The following GPC6 variants were observed in gnomAD, a reference collection of about 807,000 sequenced individuals.
The protein encoded by GPC6 is glypican 6, also known as glypican-6.
A neutral mutation model predicts 55.2 loss-of-function variants in GPC6; 14 were observed. The ratio of observed to expected loss-of-function variants is 0.25; its 90% CI spans 0.17 to 0.40. The LOEUF (loss-of-function observed/expected upper bound fraction) is 0.40. Among genes scored for constraint, GPC6 ranks in the 10% least tolerant of loss-of-function variants. The pLI is 1.00. For synonymous variants in GPC6, 278 were observed against 259.6 expected (o/e 1.07, Z -0.68); for missense variants, 641 against 708.5 (o/e 0.90, Z 1.08).
chr13:93,693,409 T>A (rs904153361), intron 2 of GPC6, among the ~76,000 whole-genome samples: 1 of 151,912 alleles, frequency 6.6e-6, no homozygotes, highest in African/African-American at 2.4e-5. Flanking sequence ...TTATTCTTAA[T>A]GTGTCATTCA....
At chr13:93,492,583 C>A (rs1880064290) in intron 1 of GPC6, among the ~76,000 whole-genome samples, 1 of 144,220 alleles carries the variant, frequency 6.9e-6, no homozygotes, top group Non-Finnish European at 1.5e-5. Flanking sequence ...TGAGAGAGGG[C>A]ATCCCTGTCT....
intron 1 of GPC6, among the ~76,000 whole-genome samples, chr13:93,420,191 A>G (rs1361588758): frequency 1.3e-5 from 2 of 152,192 alleles, no homozygotes; most frequent in East Asian, 3.9e-4. Flanking sequence ...CGTCCTGATA[A>G]ATTGATAGAA....
At chr13:93,719,822 C>G (rs1883388894) in intron 2 of GPC6, among the ~76,000 whole-genome samples, 1 of 152,064 alleles carries the variant, frequency 6.6e-6, no homozygotes. Flanking sequence ...AAGGCCTTTT[C>G]TGCATCTATT....
At chr13:94,050,316 A>G (rs1386216372) in intron 4 of GPC6, among the ~76,000 whole-genome samples, 1 of 152,186 alleles carries the variant, frequency 6.6e-6, no homozygotes, top group Non-Finnish European at 1.5e-5. Context: ...TGTGGATTTA[A>G]TAACACTTCC....
intron 4 of GPC6, among the ~76,000 whole-genome samples, chr13:94,053,047 A>G (rs1884008658): frequency 6.6e-6 from 1 of 152,200 alleles, no homozygotes; most frequent in African/African-American, 2.4e-5. Flanking sequence ...CATGTCAGAA[A>G]GGGTTTTAGA....
Position 93,799,205 on chromosome 13 carries a change from G to A in GPC6, c.320-30949G>A, listed in dbSNP as rs1318967722. 3.3e-5 allele frequency among the ~76,000 whole-genome samples: 5 copies of A among 151,948 alleles called. No individual in the cohort carries two copies. The East Asian group carries it at 9.7e-4, about 29-fold the overall frequency. On this transcript the variant is annotated intron_variant, in intron 2 of 8. Transcript: ENST00000377047. ...GTCTCCAGTTCTTGAAGTTTAGTAGGTTTATAGTCAGGTACACTAGGTAAA... is the reference window on the plus strand; with the variant it reads ...GTCTCCAGTTCTTGAAGTTTAGTAGATTTATAGTCAGGTACACTAGGTAAA...
chr13:93,962,345 A>G (rs927365286), intron 3 of GPC6, among the ~76,000 whole-genome samples: 13 of 152,134 alleles, frequency 8.5e-5, no homozygotes, highest in African/African-American at 3.1e-4. Context: ...GGTCGCATGA[A>G]AGGATACAGA....
At chr13:93,923,250 C>T (rs1200104457) in intron 3 of GPC6, among the ~76,000 whole-genome samples, 3 of 152,100 alleles carry the variant, frequency 2.0e-5, no homozygotes, top group Non-Finnish European at 4.4e-5. Context: ...ATTTGTAATA[C>T]TCTCCTAAGG....
intron 2 of GPC6, among the ~76,000 whole-genome samples, chr13:93,796,789 A>G (rs1886210094): frequency 6.6e-6 from 1 of 152,204 alleles, no homozygotes; most frequent in Admixed American, 6.5e-5. Flanking sequence ...ATTGGATTCT[A>G]TGGTGCCAAG....
intron 3 of GPC6, among the ~76,000 whole-genome samples, chr13:93,926,479 A>G (rs143858742): frequency 1.3e-5 from 2 of 152,182 alleles, no homozygotes; most frequent in East Asian, 1.9e-4. Flanking sequence ...AGTGAATTAC[A>G]TATTAATAAT....
At chr13:93,973,989 A>G (rs1463450994) in intron 3 of GPC6, among the ~76,000 whole-genome samples, 1 of 152,170 alleles carries the variant, frequency 6.6e-6, no homozygotes, top group Non-Finnish European at 1.5e-5. Flanking sequence ...CGTCTAGGTC[A>G]GGTTTGTTGC....
At chr13:94,235,149 T>G (rs1890843307) in intron 4 of GPC6, among the ~76,000 whole-genome samples, 1 of 152,094 alleles carries the variant, frequency 6.6e-6, no homozygotes, top group Non-Finnish European at 1.5e-5. Context: ...TGATAAATCC[T>G]CAGGATACCT....
At chr13:93,515,994 AT>A (rs534408184) in intron 1 of GPC6, among the ~76,000 whole-genome samples, 196 of 152,250 alleles carry the variant, frequency 1.3e-3, no homozygotes, top group African/African-American at 4.2e-3. Flanking sequence ...TTCCCAAGGT[AT>A]TTTTTTAACT....
At chr13:93,564,107 T>C (rs1242847272) in intron 2 of GPC6, among the ~76,000 whole-genome samples, 1 of 152,164 alleles carries the variant, frequency 6.6e-6, no homozygotes, top group Non-Finnish European at 1.5e-5. Context: ...TTTTATACTT[T>C]AACTCATAAA....
chr13:94,347,055 A>T (rs1878326948), intron 6 of GPC6, among the ~76,000 whole-genome samples: 1 of 152,162 alleles, frequency 6.6e-6, no homozygotes, highest in African/African-American at 2.4e-5. Flanking sequence ...TTCTTCTTCA[A>T]TACCTAGTTT....
intron 3 of GPC6, among the ~76,000 whole-genome samples, chr13:94,023,000 G>C (rs1277074410): frequency 2.0e-5 from 3 of 151,920 alleles, no homozygotes; most frequent in Admixed American, 6.6e-5. Flanking sequence ...TTATTTCCCA[G>C]TTTACTATGA....
intron 1 of GPC6, among the ~76,000 whole-genome samples, chr13:93,523,723 T>C (rs1329746351): frequency 6.6e-6 from 1 of 152,084 alleles, no homozygotes; most frequent in African/African-American, 2.4e-5. Flanking sequence ...GTTGCTTTGC[T>C]AACTTTTCCA....
At position 94,399,762 on chromosome 13, in the gene GPC6, C is replaced by T. The variant is rs557030879; in HGVS notation, c.1465+1121C>T. 4.6e-5 allele frequency among the ~76,000 whole-genome samples: 7 copies of T among 152,258 alleles called. No homozygotes were observed. The East Asian group carries it at 5.8e-4, about 13-fold the overall frequency. ...ACAGAATAATTACCAACCCAATGGA[C>T]GTTATGGCTGTAAAATTCCTCAAAA... On this transcript the variant is annotated intron_variant, in intron 8 of 8. Coordinates refer to ENST00000377047, the MANE Select transcript of GPC6 (RefSeq NM_005708.5).
chr13:93,381,310 G>A (rs1271117577), intron 1 of GPC6, among the ~76,000 whole-genome samples: 1 of 152,006 alleles, frequency 6.6e-6, no homozygotes, highest in Admixed American at 6.6e-5. Context: ...CATTGCTCAA[G>A]GCAAAATCTT....
Sources: gnomAD v4.1 joint callset for allele counts (sites outside exome capture counted in the v4.1 genomes callset) on GRCh38, gnomAD v4.1.1 for gene constraint, MANE v1.5 for transcripts, NCBI Gene and HGNC (gene_info 2026-07-23, HGNC 2026-07-21) for gene names.